Variants in KDM3A observed in about 807,000 individuals in gnomAD.
The protein encoded by KDM3A is lysine demethylase 3A.
KDM3A carries 60 observed loss-of-function variants against 158.0 expected under a neutral mutation model. The ratio of observed to expected loss-of-function variants is 0.38; its 90% CI spans 0.31 to 0.47. The LOEUF (loss-of-function observed/expected upper bound fraction) is 0.47, where lower values mean the gene tolerates loss of function less well. Among genes scored for constraint, KDM3A ranks in the 20% least tolerant of loss-of-function variants. The pLI, the probability that KDM3A is intolerant of heterozygous loss-of-function variation, is 0.99. For synonymous variants in KDM3A, 608 were observed against 549.3 expected (o/e 1.11, Z -1.49); for missense variants, 1,319 against 1,574.3 (o/e 0.84, Z 2.74).
intron 2 of KDM3A, among the ~76,000 whole-genome samples, chr2:86,445,443 T>C (rs59274254): frequency 0.014 from 2,142 of 152,322 alleles, 56 homozygotes; most frequent in African/African-American, 0.049. Context: ...TTATGCGTGG[T>C]GGGAATGCCC....
At chr2:86,463,541 A>G (rs1673010189) in intron 8 of KDM3A, among the ~76,000 whole-genome samples, 1 of 152,216 alleles carries the variant, frequency 6.6e-6, no homozygotes, top group Non-Finnish European at 1.5e-5. Flanking sequence ...GATGAGCCAC[A>G]TAAGAGCAAG....
At chr2:86,460,862 CAG>C (rs72188386) in intron 8 of KDM3A, 12,422 of 152,176 alleles carry the variant, frequency 0.082, 555 homozygotes, top group African/African-American at 0.1. Flanking sequence ...TTTGTTGAGT[CAG>C]AGGCCAGTGC....
chr2:86,449,921 T>C lies in KDM3A; in HGVS notation c.301T>C (p.Ser101Pro). The change falls in exon 3 of 26, where the codon TCA becomes CCA. Residue 101 changes from serine to proline, a missense_variant. Coordinates refer to ENST00000312912, the MANE Select transcript of KDM3A (RefSeq NM_018433.6). ...TAATTTGGTTTTAGCTGAACGAAAG[T>C]CACCTGAAATTTCTGAACGAATTGT... ...EHNLVLAERK[S>P]PEISERIVQW... is the part of the protein sequence containing the mutation. 6.2e-7 allele frequency: 1 copy of C among 1,613,732 alleles called. No homozygotes were observed. The highest frequency in any genetic ancestry group is 8.5e-7 in the Non-Finnish European group (1 of 1,179,734).
chr2:86,443,792 T>G (rs1682842347), intron 2 of KDM3A, among the ~76,000 whole-genome samples: 1 of 152,196 alleles, frequency 6.6e-6, no homozygotes, highest in East Asian at 1.9e-4. Flanking sequence ...CAGGTTTTGA[T>G]GTTTATAGAG....
chr2:86,455,587 T>G (rs1018128302), intron 5 of KDM3A, among the ~76,000 whole-genome samples: 2 of 151,892 alleles, frequency 1.3e-5, no homozygotes, highest in Non-Finnish European at 2.9e-5. Flanking sequence ...AATTTAAAAT[T>G]CAAAAAATGT....
upstream of KDM3A, among the ~76,000 whole-genome samples, chr2:86,438,992 A>ACACTT (rs1682542370): frequency 6.6e-6 from 1 of 152,022 alleles, no homozygotes; most frequent in Admixed American, 6.5e-5. Flanking sequence ...CAACTGGAGT[A>ACACTT]CACTTAGGTT....
chr2:86,473,975 C>A (rs144343644), intron 11 of KDM3A, among the ~76,000 whole-genome samples: 53 of 152,288 alleles, frequency 3.5e-4, no homozygotes, highest in Non-Finnish European at 6.2e-4. Context: ...CCTCACAGAC[C>A]AGTGTGGTCA....
At chr2:86,446,675 A>T (rs771062370) in intron 2 of KDM3A, among the ~76,000 whole-genome samples, 1 of 152,074 alleles carries the variant, frequency 6.6e-6, no homozygotes, top group African/African-American at 2.4e-5. Context: ...GCGCCACTAC[A>T]CTCCAGCTTG....
Position 86,489,561 on chromosome 2 carries a change from A to G in KDM3A, c.3475A>G (p.Thr1159Ala). The change falls in exon 23 of 26, where the codon ACA (threonine) becomes GCA (alanine). Residue 1159 changes from threonine to alanine, a missense_variant. Transcript: ENST00000312912. Reference sequence around the variant, plus strand: ...CCAAGATGGAGATTCTGACGAACTCACAATAAAGCGATTTATTGAAGGAAA... The same window carrying G: ...CCAAGATGGAGATTCTGACGAACTCGCAATAAAGCGATTTATTGAAGGAAA... Reference protein sequence around the residue: ...TIQDGDSDELTIKRFIEGKEK... With the variant: ...TIQDGDSDELAIKRFIEGKEK... The G allele has an allele frequency of 6.2e-7, 1 of 1,614,044 alleles. No homozygotes were observed. Among genetic ancestry groups the G allele is most frequent in the East Asian group, 2.2e-5 (1 of 44,864 alleles).
chr2:86,480,464 T>G, intron 16 of KDM3A, 102 bp downstream of exon 16: 1 of 960,406 alleles, frequency 1.0e-6, no homozygotes, highest in Non-Finnish European at 1.5e-6. Flanking sequence ...TGGAAAGTGC[T>G]TCTCTGGAGT....
upstream of KDM3A, among the ~76,000 whole-genome samples, chr2:86,437,177 G>A (rs574333937): frequency 5.3e-5 from 8 of 151,394 alleles, no homozygotes; most frequent in East Asian, 1.9e-4. Flanking sequence ...GTCTTGCTTC[G>A]TCATCCAGGC....
intron 21 of KDM3A, among the ~76,000 whole-genome samples, chr2:86,486,706 C>T (rs1454999624): frequency 1.3e-5 from 2 of 152,128 alleles, no homozygotes; most frequent in Non-Finnish European, 2.9e-5. Context: ...TTGTTGTCTT[C>T]GCTATGTTCT....
chr2:86,446,993 G>A (rs558330512), intron 2 of KDM3A, among the ~76,000 whole-genome samples: 1 of 152,216 alleles, frequency 6.6e-6, no homozygotes, highest in Non-Finnish European at 1.5e-5. Flanking sequence ...TGTATTTTTT[G>A]TAGAGACGAA....
intron 14 of KDM3A, 40 bp from the exon 15 acceptor site, chr2:86,478,568 A>T (rs766941978): frequency 6.2e-7 from 1 of 1,607,442 alleles, no homozygotes; most frequent in Non-Finnish European, 8.5e-7. Context: ...GAAAGTTCCT[A>T]ATATCCTTGT....
At position 86,472,809 on chromosome 2, in the gene KDM3A, T is replaced by G. The variant is rs150913883; in HGVS notation, c.1725-1967T>G. Among the ~76,000 whole-genome samples the G allele has an allele frequency of 1.5e-3, 225 of 152,326 alleles. 2 individuals carry two copies. In the East Asian group the frequency reaches 0.021, roughly 14 times the overall value. ...ACCCCAACTTACCTCTGCAAGTTCT[T>G]CCTGATTCTTACCTATTTGAATAAA... On this transcript the variant is annotated intron_variant, in intron 11 of 25. Coordinates refer to ENST00000312912, the MANE Select transcript of KDM3A (RefSeq NM_018433.6).
In KDM3A at chr2:86,482,109, G is replaced by GT. The variant is rs779654965; in HGVS notation, c.2685+10dup. On this transcript the variant is annotated splice_region_variant and intron_variant, in intron 17 of 25. Transcript: ENST00000312912. ...GAATTCTTCTACAGGAAAGGTATGT[G>GT]TTTGTTTGTTGGTATTCCATGTTTT... The GT allele has an allele frequency of 9.4e-6, 13 of 1,379,802 alleles. No individual in the cohort carries two copies. The Admixed American group carries it at 2.4e-4, about 25-fold the overall frequency. 85.5% of individuals were successfully genotyped at this position (1,379,802 alleles called of 1,614,324 possible).
chr2:86,474,535 C>T (rs1302472874), intron 11 of KDM3A, among the ~76,000 whole-genome samples: 1 of 151,636 alleles, frequency 6.6e-6, no homozygotes, highest in Non-Finnish European at 1.5e-5. Context: ...TGGTGGCAGG[C>T]GCCTGTAATC....
intron 6 of KDM3A, 101 bp downstream of exon 6, chr2:86,456,667 T>C (rs2104644364): frequency 1.5e-6 from 2 of 1,299,910 alleles, no homozygotes; most frequent in East Asian, 4.7e-5. Context: ...TATTATTTTA[T>C]AGGGTAGAAA....
intron 12 of KDM3A, among the ~76,000 whole-genome samples, chr2:86,476,363 A>C (rs1378342501): frequency 2.0e-5 from 3 of 150,498 alleles, no homozygotes; most frequent in Non-Finnish European, 4.4e-5. Context: ...TTTTTCATAT[A>C]GAAAAAGGCA....
Sources: allele counts gnomAD v4.1 joint callset (sites outside exome capture counted in the v4.1 genomes callset), GRCh38; gene constraint gnomAD v4.1.1; transcripts MANE v1.5; gene names NCBI Gene and HGNC (gene_info 2026-07-23, HGNC 2026-07-21).